The following ABTB3 variants were observed in gnomAD, a reference collection of about 807,000 sequenced individuals.
ABTB3 encodes ankyrin repeat- and BTB/POZ domain-containing protein 3.
At chr12:107,521,867 A>T in the ABTB3 span, among the ~76,000 whole-genome samples, 1 of 151,908 alleles carries the variant, frequency 6.6e-6, no homozygotes, top group Non-Finnish European at 1.5e-5. Context: ...TACCTTCTCA[A>T]TGAAGCTTTC....
At chr12:107,372,578 A>G in the ABTB3 span, among the ~76,000 whole-genome samples, 1 of 151,684 alleles carries the variant, frequency 6.6e-6, no homozygotes, top group African/African-American at 2.4e-5. Flanking sequence ...TAAACCCCTG[A>G]CCTCCTCTAC....
chr12:107,405,754 C>T, the ABTB3 span, among the ~76,000 whole-genome samples: 1 of 152,224 alleles, frequency 6.6e-6, no homozygotes, highest in Non-Finnish European at 1.5e-5. Context: ...GTCTTCCTGC[C>T]CAGGATTGGT....
chr12:107,578,881 G>T, the ABTB3 span, among the ~76,000 whole-genome samples: 1 of 152,192 alleles, frequency 6.6e-6, no homozygotes, highest in South Asian at 2.1e-4. Flanking sequence ...CACCCAGTAA[G>T]AAATTGGTAA....
the ABTB3 span, among the ~76,000 whole-genome samples, chr12:107,638,521 G>A: frequency 6.6e-6 from 1 of 152,160 alleles, no homozygotes; most frequent in Admixed American, 6.5e-5. Context: ...GAACCCCTGG[G>A]GAAGGGACCA....
chr12:107,496,846 G>T, the ABTB3 span, among the ~76,000 whole-genome samples: 1 of 152,156 alleles, frequency 6.6e-6, no homozygotes, highest in Admixed American at 6.5e-5. Context: ...AACTGGGGCA[G>T]CCTGGCTGTA....
At chr12:107,471,022 C>G in the ABTB3 span, among the ~76,000 whole-genome samples, 2 of 152,302 alleles carry the variant, frequency 1.3e-5, no homozygotes, top group South Asian at 4.2e-4. Context: ...CTGAGCATGC[C>G]AGGCACGAAG....
chr12:107,599,058 C>T, the ABTB3 span, among the ~76,000 whole-genome samples: 1 of 152,162 alleles, frequency 6.6e-6, no homozygotes, highest in East Asian at 1.9e-4. Context: ...GTCTGCCATC[C>T]TTGGTTTAGG....
At chr12:107,339,696 TG>T in the ABTB3 span, among the ~76,000 whole-genome samples, 1 of 152,054 alleles carries the variant, frequency 6.6e-6, no homozygotes, top group African/African-American at 2.4e-5. Flanking sequence ...TGTGTGTGTG[TG>T]TGTGTGTATG....
chr12:107,412,226 C>T, the ABTB3 span, among the ~76,000 whole-genome samples: 1 of 152,172 alleles, frequency 6.6e-6, no homozygotes, highest in Non-Finnish European at 1.5e-5. Context: ...ATTCCTGCAA[C>T]AGCCCATGTG....
the ABTB3 span, among the ~76,000 whole-genome samples, chr12:107,490,067 G>C: frequency 6.6e-6 from 1 of 152,156 alleles, no homozygotes; most frequent in African/African-American, 2.4e-5. Context: ...CATTACAAAA[G>C]TGAGCTCCAC....
the ABTB3 span, among the ~76,000 whole-genome samples, chr12:107,402,548 G>A: frequency 3.9e-5 from 6 of 152,156 alleles, no homozygotes; most frequent in African/African-American, 1.4e-4. Context: ...TCCAGCCACG[G>A]CTACTGGCCT....
chr12:107,535,213 G>T, the ABTB3 span, among the ~76,000 whole-genome samples: 47 of 152,224 alleles, frequency 3.1e-4, no homozygotes, highest in East Asian at 8.7e-3. Context: ...AATAGAGGCA[G>T]AAAATGCATG....
At chr12:107,319,417 G>A in the ABTB3 span, 8 of 1,605,512 alleles carry the variant, frequency 5.0e-6, no homozygotes, top group Non-Finnish European at 5.9e-6. Flanking sequence ...AGTGCACCAA[G>A]TACGAGATCC....
At chr12:107,361,377 T>C in the ABTB3 span, among the ~76,000 whole-genome samples, 1 of 152,258 alleles carries the variant, frequency 6.6e-6, no homozygotes, top group African/African-American at 2.4e-5. Flanking sequence ...CGTGTCGTGA[T>C]ACGCTCTTTG....
chr12:107,332,830 T>A, the ABTB3 span, among the ~76,000 whole-genome samples: 1 of 152,184 alleles, frequency 6.6e-6, no homozygotes, highest in Non-Finnish European at 1.5e-5. Flanking sequence ...CTGCTAGGGT[T>A]GGGCTACAGA....
At chr12:107,447,330 C>T in the ABTB3 span, among the ~76,000 whole-genome samples, 27 of 152,240 alleles carry the variant, frequency 1.8e-4, no homozygotes, top group East Asian at 2.1e-3. Context: ...TTAGTAGAGA[C>T]GGGGTTTCAA....
At chr12:107,330,985 A>G in the ABTB3 span, among the ~76,000 whole-genome samples, 1 of 152,168 alleles carries the variant, frequency 6.6e-6, no homozygotes, top group East Asian at 1.9e-4. Flanking sequence ...GAGGAGGGGT[A>G]AGTGAAATCT....
chr12:107,406,385 A>T, the ABTB3 span, among the ~76,000 whole-genome samples: 1 of 152,198 alleles, frequency 6.6e-6, no homozygotes, highest in Non-Finnish European at 1.5e-5. Context: ...AGCTATGATC[A>T]CACCACTATA....
the ABTB3 span, among the ~76,000 whole-genome samples, chr12:107,514,567 T>C: frequency 3.9e-5 from 6 of 152,146 alleles, no homozygotes; most frequent in African/African-American, 1.2e-4. Context: ...ATAGTGGAAA[T>C]TGATGAGTAG....
Sources: gnomAD v4.1 joint callset for allele counts (sites outside exome capture counted in the v4.1 genomes callset) on GRCh38, gnomAD v4.1.1 for gene constraint, MANE v1.5 for transcripts, NCBI Gene and HGNC (gene_info 2026-07-23, HGNC 2026-07-21) for gene names.